CFAP77: variants seen among roughly 807,000 people sequenced by gnomAD.
The protein encoded by CFAP77 is cilia- and flagella-associated protein 77.
CFAP77 carries 25 observed loss-of-function variants against 31.1 expected under a neutral mutation model. The observed-to-expected ratio is 0.80, with a 90% CI of 0.59 to 1.12. The LOEUF is 1.12. CFAP77 is among the 50% of genes most tolerant of loss of function. The probability of loss-of-function intolerance (pLI) is 0.00; values close to 1 mark genes in which losing one functional copy is unlikely to be tolerated. For missense variants in CFAP77, 377 were observed against 397.3 expected (o/e 0.95, Z 0.44); for synonymous variants, 151 against 159.9 (o/e 0.94, Z 0.42).
chr9:132,434,923 C>T (rs758240729), intron 1 of CFAP77, among the ~76,000 whole-genome samples: 2 of 151,674 alleles, frequency 1.3e-5, no homozygotes, highest in African/African-American at 2.4e-5. Flanking sequence ...GGAAGGAACA[C>T]ATGGCCAGTC....
At chr9:132,418,265 G>T (rs573434911) in intron 1 of CFAP77, among the ~76,000 whole-genome samples, 3 of 152,238 alleles carry the variant, frequency 2.0e-5, no homozygotes, top group African/African-American at 7.2e-5. Context: ...AGGGGGTGCT[G>T]GTGGCATCTG....
At chr9:132,449,554 G>A (rs1259341501) in intron 1 of CFAP77, among the ~76,000 whole-genome samples, 2 of 151,970 alleles carry the variant, frequency 1.3e-5, no homozygotes, top group African/African-American at 4.8e-5. Context: ...TCCATCATAT[G>A]GGCTACCACA....
In CFAP77 at chr9:132,498,443, G is replaced by GC. The variant is rs1044188171; in HGVS notation, c.196-246dup. ...TCCAACAATACACATGTACCGAGAG[G>GC]CCCCCCGTCTCTGATGTCTTCACTT... On this transcript the variant is annotated intron_variant, in intron 1 of 5. Transcript: ENST00000393216. This position sits in a 1 kb window ranked among gnomAD's most constrained non-coding sequence, Gnocchi z 4.2. 1.3e-5 allele frequency among the ~76,000 whole-genome samples: 2 copies of GC among 152,052 alleles called. No homozygotes were observed. The highest frequency in any genetic ancestry group is 4.8e-5 in the African/African-American group (2 of 41,390).
At chr9:132,546,896 T>C (rs1852741698) in intron 5 of CFAP77, among the ~76,000 whole-genome samples, 2 of 152,234 alleles carry the variant, frequency 1.3e-5, no homozygotes, top group African/African-American at 4.8e-5. Flanking sequence ...TGAGCGTTCC[T>C]TCCAATCCAA....
chr9:132,468,520 C>CT (rs1851195393), intron 1 of CFAP77, among the ~76,000 whole-genome samples: 1 of 152,164 alleles, frequency 6.6e-6, no homozygotes, highest in Admixed American at 6.5e-5. Flanking sequence ...CCAGCACTTC[C>CT]TTACTCTCCA....
chr9:132,519,937 C>T (rs1368258126), intron 3 of CFAP77, among the ~76,000 whole-genome samples: 10 of 134,430 alleles, frequency 7.4e-5, no homozygotes, highest in Admixed American at 2.9e-4. Context: ...GATGGATGAA[C>T]GGGTGGGTGG....
intron 1 of CFAP77, among the ~76,000 whole-genome samples, chr9:132,486,073 TA>T (rs1851547606): frequency 1.8e-4 from 3 of 17,012 alleles, no homozygotes; most frequent in Non-Finnish European, 2.8e-4. Flanking sequence ...TGTGTATATA[TA>T]TATATATATA....
intron 3 of CFAP77, among the ~76,000 whole-genome samples, chr9:132,530,309 TC>T (rs1852420746): frequency 6.6e-6 from 1 of 151,242 alleles, no homozygotes; most frequent in Non-Finnish European, 1.5e-5. Flanking sequence ...TCTCTCTCTC[TC>T]TGTCACCCAT....
intron 1 of CFAP77, among the ~76,000 whole-genome samples, chr9:132,491,168 TTAAAAA>T (rs1478814501): frequency 1.3e-5 from 2 of 152,128 alleles, no homozygotes; most frequent in African/African-American, 4.8e-5. Context: ...GTACAAAGTA[TTAAAAA>T]TAAAAATCTG....
intron 1 of CFAP77, among the ~76,000 whole-genome samples, chr9:132,474,200 T>G (rs1484280719): frequency 6.6e-6 from 1 of 152,232 alleles, no homozygotes; most frequent in Non-Finnish European, 1.5e-5. Flanking sequence ...CCAATCTGTA[T>G]CTTTTTGCTT....
At chr9:132,510,190 G>A (rs1003518558) in intron 3 of CFAP77, among the ~76,000 whole-genome samples, 1 of 152,182 alleles carries the variant, frequency 6.6e-6, no homozygotes, top group Non-Finnish European at 1.5e-5. Context: ...CAAGGTCAAC[G>A]CTAACGAGGC....
At chr9:132,529,415 C>A (rs1440228094) in intron 3 of CFAP77, among the ~76,000 whole-genome samples, 2 of 134,476 alleles carry the variant, frequency 1.5e-5, no homozygotes, top group Admixed American at 7.2e-5. Context: ...CTAAATGACA[C>A]GTTAGTGGGT....
chr9:132,426,858 C>T (rs1454480061), intron 1 of CFAP77, among the ~76,000 whole-genome samples: 7 of 152,156 alleles, frequency 4.6e-5, no homozygotes, highest in Non-Finnish European at 8.8e-5. Flanking sequence ...GCTACATTGT[C>T]GAGCAGCCTG....
At position 132,455,897 on chromosome 9, in the gene CFAP77, C is replaced by T. The variant is rs1368202583; in HGVS notation, c.196-42798C>T. On this transcript the variant is annotated intron_variant, in intron 1 of 5. Coordinates refer to ENST00000393216, the MANE Select transcript of CFAP77 (RefSeq NM_001282957.2). The surrounding 1 kb of genome is among the most constrained non-coding windows in gnomAD (Gnocchi z 4.1). ...GCTTTGAGGTCCACAGACACAGACCCGAGTTCTCATCCAGCGTCAGCCACT... is the reference window on the plus strand; with the variant it reads ...GCTTTGAGGTCCACAGACACAGACCTGAGTTCTCATCCAGCGTCAGCCACT... Among the ~76,000 whole-genome samples, 2 of 152,180 alleles carry T rather than the reference C, an allele frequency of 1.3e-5. No individual in the cohort carries two copies. The highest frequency in any genetic ancestry group is 2.9e-5 in the Non-Finnish European group (2 of 68,032).
Position 132,499,301 on chromosome 9 carries a change from T to G in CFAP77, c.296-71T>G. On this transcript the variant is annotated intron_variant, in intron 2 of 5. Transcript: ENST00000393216. This position sits in a 1 kb window ranked among gnomAD's most constrained non-coding sequence, Gnocchi z 5.4. ...CGAGGACCCGCGTGCCCCCATTTCTTCTCGATCAGCTGCCTCAGGGTGCTT... is the reference window on the plus strand; with the variant it reads ...CGAGGACCCGCGTGCCCCCATTTCTGCTCGATCAGCTGCCTCAGGGTGCTT... 7.0e-7 allele frequency: 1 copy of G among 1,424,112 alleles called. No individual in the cohort carries two copies. The highest frequency in any genetic ancestry group is 9.7e-7 in the Non-Finnish European group (1 of 1,025,666). 88.2% of individuals were successfully genotyped at this position (1,424,112 alleles called of 1,614,324 possible). A position where few individuals can be genotyped will look rare whatever the true frequency, so the allele number is the denominator to read the frequency against.
chr9:132,531,361 A>T (rs1852444767), intron 3 of CFAP77, among the ~76,000 whole-genome samples: 1 of 152,230 alleles, frequency 6.6e-6, no homozygotes, highest in East Asian at 1.9e-4. Flanking sequence ...AAACCAATGA[A>T]TGAGCGCCCC....
intron 1 of CFAP77, among the ~76,000 whole-genome samples, chr9:132,470,779 T>G (rs1308322121): frequency 6.6e-6 from 1 of 152,126 alleles, no homozygotes; most frequent in African/African-American, 2.4e-5. Flanking sequence ...GATGCCAAGG[T>G]GGGTGGATCA....
chr9:132,521,667 A>G (rs1190891287), intron 3 of CFAP77, among the ~76,000 whole-genome samples: 2 of 150,258 alleles, frequency 1.3e-5, no homozygotes, highest in Non-Finnish European at 3.0e-5. Context: ...GGGAGGGGGT[A>G]GGAGAGGGAC....
rs1421763837 is a variant in CFAP77 at position 132,565,666 on chromosome 9, CACAA to C, written c.733-6717_733-6714del. 6.6e-6 allele frequency among the ~76,000 whole-genome samples: 1 copy of C among 152,110 alleles called. No individual in the cohort carries two copies. The highest frequency in any genetic ancestry group is 1.5e-5 in the Non-Finnish European group (1 of 68,012). ...AAGAAGATAGCTCTTGTCTAAATGTCACAAACAATCACATGTACAGTGTGTTTAG... is the reference window on the plus strand; with the variant it reads ...AAGAAGATAGCTCTTGTCTAAATGTCACAATCACATGTACAGTGTGTTTAG... On this transcript the variant is annotated intron_variant, in intron 5 of 5. Transcript: ENST00000393216. This position sits in a 1 kb window ranked among gnomAD's most constrained non-coding sequence, Gnocchi z 4.1.
Sources: gnomAD v4.1 joint callset for allele counts (sites outside exome capture counted in the v4.1 genomes callset) on GRCh38, gnomAD v4.1.1 for gene constraint, Gnocchi (gnomAD v3.1) non-coding constraint, MANE v1.5 for transcripts, NCBI Gene and HGNC (gene_info 2026-07-23, HGNC 2026-07-21) for gene names.